The following NFIB variants were observed in gnomAD, a reference collection of about 807,000 sequenced individuals.
NFIB encodes nuclear factor 1 B-type.
A neutral mutation model predicts 61.5 loss-of-function variants in NFIB; 11 were observed. That is an observed-to-expected ratio of 0.18 (90% CI 0.11 to 0.30). The LOEUF is 0.30. NFIB is among the 10% of genes least tolerant of loss of function. The probability of loss-of-function intolerance (pLI) is 1.00; values close to 1 mark genes in which losing one functional copy is unlikely to be tolerated. For missense variants in NFIB, 471 were observed against 608.9 expected, an observed-to-expected ratio of 0.77 and a Z score of 2.38; for synonymous variants, 260 against 216.5, an observed-to-expected ratio of 1.20 and a Z score of -1.76.
At chr9:14,427,416 T>A in the NFIB span, among the ~76,000 whole-genome samples, 2 of 152,162 alleles carry the variant, frequency 1.3e-5, no homozygotes, top group Non-Finnish European at 2.9e-5. Flanking sequence ...ACATTTTACA[T>A]GAGGATAAAC....
chr9:14,236,131 G>C (rs937793500), intron 2 of NFIB, among the ~76,000 whole-genome samples: 2 of 151,988 alleles, frequency 1.3e-5, no homozygotes, highest in African/African-American at 2.4e-5. Context: ...CCTTAACAAA[G>C]ACATGTGTAC....
chr9:14,304,951 T>G (rs2059941271), intron 2 of NFIB, among the ~76,000 whole-genome samples: 1 of 152,206 alleles, frequency 6.6e-6, no homozygotes. Context: ...GAGAAGATGA[T>G]GCACTGGCAG....
chr9:14,452,438 G>GAAGGA, the NFIB span, among the ~76,000 whole-genome samples: 1,512 of 23,086 alleles, frequency 0.065, 39 homozygotes, highest in Middle Eastern at 0.11. Flanking sequence ...GGAGGGAGGG[G>GAAGGA]AAGGAAAGGA....
chr9:14,205,801 C>T (rs974178796), intron 2 of NFIB, among the ~76,000 whole-genome samples: 1 of 152,216 alleles, frequency 6.6e-6, no homozygotes, highest in African/African-American at 2.4e-5. Flanking sequence ...TATATGTCCA[C>T]ACACTCAGCA....
intron 2 of NFIB, among the ~76,000 whole-genome samples, chr9:14,264,903 C>A (rs2057074066): frequency 1.3e-5 from 2 of 152,126 alleles, no homozygotes. Flanking sequence ...TCCGTGACTT[C>A]CCTCTTAACA....
upstream of NFIB, among the ~76,000 whole-genome samples, chr9:14,399,348 T>A (rs568997486): frequency 2.0e-4 from 31 of 152,352 alleles, no homozygotes; most frequent in Non-Finnish European, 3.2e-4. Flanking sequence ...TCTGAAATTA[T>A]CTTTGCTTTG....
chr9:14,125,431 C>T (rs771052587), intron 7 of NFIB, among the ~76,000 whole-genome samples: 3 of 152,218 alleles, frequency 2.0e-5, no homozygotes, highest in Admixed American at 2.0e-4. Flanking sequence ...GCTGGGATTA[C>T]AGGCGTGAGC....
At chr9:14,455,716 G>GC in the NFIB span, among the ~76,000 whole-genome samples, 1 of 152,130 alleles carries the variant, frequency 6.6e-6, no homozygotes, top group Non-Finnish European at 1.5e-5. Flanking sequence ...TCTCAGGGAA[G>GC]CTATACATTC....
chr9:14,123,700 T>C (rs1436895410), intron 7 of NFIB, among the ~76,000 whole-genome samples: 2 of 152,294 alleles, frequency 1.3e-5, no homozygotes, highest in East Asian at 1.9e-4. Context: ...CTCCTTTGCC[T>C]GCCAGTTTGC....
At chr9:14,134,041 T>C (rs1482699034) in intron 6 of NFIB, among the ~76,000 whole-genome samples, 4 of 152,132 alleles carry the variant, frequency 2.6e-5, no homozygotes, top group Admixed American at 1.3e-4. Context: ...TCCTGGCTCA[T>C]GGGGAGAAGA....
At chr9:14,185,507 T>C (rs1477626671) in intron 2 of NFIB, among the ~76,000 whole-genome samples, 1 of 152,142 alleles carries the variant, frequency 6.6e-6, no homozygotes, top group Admixed American at 6.5e-5. Flanking sequence ...TTCCCCCTTT[T>C]TTCTCCCTGA....
At chr9:14,484,770 G>A in the NFIB span, among the ~76,000 whole-genome samples, 2 of 152,212 alleles carry the variant, frequency 1.3e-5, no homozygotes, top group South Asian at 2.1e-4. Flanking sequence ...TGGTTAATGA[G>A]ACAGATTAAG....
chr9:14,335,991 G>A (rs1765126050), intron 1 of NFIB, among the ~76,000 whole-genome samples: 1 of 152,120 alleles, frequency 6.6e-6, no homozygotes, highest in South Asian at 2.1e-4. Flanking sequence ...ATACATGTGG[G>A]TCTATTTCTG....
At chr9:14,451,348 G>C in the NFIB span, among the ~76,000 whole-genome samples, 1 of 152,018 alleles carries the variant, frequency 6.6e-6, no homozygotes, top group Non-Finnish European at 1.5e-5. Context: ...AAATTTTATT[G>C]TGAAGCATTT....
intron 1 of NFIB, among the ~76,000 whole-genome samples, chr9:14,308,753 AAGTAGTTTACCTTT>A (rs1405912065): frequency 6.6e-6 from 1 of 152,220 alleles, no homozygotes; most frequent in East Asian, 1.9e-4. Flanking sequence ...CTTTTGAATT[AAGTAGTTTACCTTT>A]AGGCTCCTGC....
At chr9:14,271,170 C>T (rs1241473127) in intron 2 of NFIB, among the ~76,000 whole-genome samples, 4 of 150,666 alleles carry the variant, frequency 2.7e-5, no homozygotes, top group African/African-American at 9.8e-5. Flanking sequence ...AGAACCTCCC[C>T]CTCTCCCCCT....
intron 3 of NFIB, among the ~76,000 whole-genome samples, chr9:14,175,970 T>C (rs1008077215): frequency 1.3e-5 from 2 of 152,204 alleles, no homozygotes; most frequent in African/African-American, 4.8e-5. Context: ...TTACCCATTC[T>C]AGGATTAGTC....
the NFIB span, among the ~76,000 whole-genome samples, chr9:14,510,667 T>A: frequency 5.9e-5 from 9 of 152,346 alleles, no homozygotes; most frequent in South Asian, 1.9e-3. Flanking sequence ...TTGAAAAACA[T>A]ATTTTTATTG....
chr9:14,088,399 T>C, intron 10 of NFIB, 73 bp from the exon 11 acceptor site: 2 of 1,349,960 alleles, frequency 1.5e-6, no homozygotes, highest in Non-Finnish European at 1.9e-6. Context: ...TACAACAATA[T>C]GAGAAATATA....
Sources: allele counts gnomAD v4.1 joint callset (sites outside exome capture counted in the v4.1 genomes callset), GRCh38; gene constraint gnomAD v4.1.1; transcripts MANE v1.5; gene names NCBI Gene and HGNC (gene_info 2026-07-23, HGNC 2026-07-21).